KCTD10: variants seen among roughly 807,000 people sequenced by gnomAD.
The protein encoded by KCTD10 is BTB/POZ domain-containing adapter for CUL3-mediated RhoA degradation protein 3.
Under a neutral mutation model 34.6 loss-of-function variants are expected in KCTD10, and 13 were observed. The ratio of observed to expected loss-of-function variants is 0.38; its 90% CI spans 0.24 to 0.60. The LOEUF is 0.60. KCTD10 is among the 20% of genes least tolerant of loss of function. The pLI is 0.66. For missense variants in KCTD10, 256 were observed against 420.3 expected, an observed-to-expected ratio of 0.61 and a Z score of 3.42; for synonymous variants, 156 against 168.8, an observed-to-expected ratio of 0.92 and a Z score of 0.59.
intron 2 of KCTD10, among the ~76,000 whole-genome samples, chr12:109,467,285 A>G (rs1037750048): frequency 6.6e-6 from 1 of 152,248 alleles, no homozygotes; most frequent in Non-Finnish European, 1.5e-5. Flanking sequence ...TGGCAACAAC[A>G]GTATCCACCC....
intron 2 of KCTD10, chr12:109,464,850 T>C (rs755004297): frequency 1.3e-5 from 6 of 455,808 alleles, no homozygotes; most frequent in Non-Finnish European, 2.2e-5. Flanking sequence ...CTGCAGGGAG[T>C]AGAAGTTGCC....
At position 109,469,562 on chromosome 12, in the gene KCTD10, A is replaced by G. The variant is rs775619535; in HGVS notation, c.170T>C (p.Leu57Pro). Reference protein sequence around the residue: ...MQTLTKQDTMLKAMFSGRMEV... With the variant: ...MQTLTKQDTMPKAMFSGRMEV... ...CATGCGCCCGCTGAACATGGCCTTC[A>G]GCATGGTGTCCTGCTTGGTCAGCGT... Residue 57 changes from leucine (L) to proline (P), a missense_variant, in exon 2 of 7, where the codon CTG (leucine) becomes CCG (proline). Coordinates refer to ENST00000228495, the MANE Select transcript of KCTD10 (RefSeq NM_031954.5). 1 of 1,614,206 alleles carries G rather than the reference A, an allele frequency of 6.2e-7. No homozygotes were observed. The highest frequency in any genetic ancestry group is 1.1e-5 in the South Asian group (1 of 91,088).
At position 109,451,592 on chromosome 12, in the gene KCTD10, T is replaced by TG; in HGVS notation, c.*2dup. The TG allele has an allele frequency of 6.2e-7, 1 of 1,603,480 alleles. No homozygotes were observed. Among genetic ancestry groups the TG allele is most frequent in the Non-Finnish European group, 8.5e-7 (1 of 1,175,504 alleles). On this transcript the variant is annotated 3_prime_UTR_variant, in exon 7 of 7. Coordinates refer to ENST00000228495, the MANE Select transcript of KCTD10 (RefSeq NM_031954.5). This position sits in a 1 kb window ranked among gnomAD's most constrained non-coding sequence, Gnocchi z 5.0. The stretch of plus-strand genomic sequence containing the variant: ...GAGGAGGGCGGCTCGGTCTCTTGCC[T>TG]GCTCACTGGTGGAGGTGGGCCCGGT...
chr12:109,472,681 G>C (rs1873947429), intron 1 of KCTD10, among the ~76,000 whole-genome samples: 1 of 152,162 alleles, frequency 6.6e-6, no homozygotes, highest in Non-Finnish European at 1.5e-5. Flanking sequence ...GTTTACACCA[G>C]CATCACCACG....
At chr12:109,476,694 T>G (rs887564149) in intron 1 of KCTD10, among the ~76,000 whole-genome samples, 2 of 152,024 alleles carry the variant, frequency 1.3e-5, no homozygotes, top group Non-Finnish European at 2.9e-5. Flanking sequence ...CTGGGCTCTC[T>G]CGATTTCTTT....
chr12:109,449,027 G>C lies in KCTD10; in HGVS notation c.*2568C>G, dbSNP rs1592829157. On this transcript the variant is annotated 3_prime_UTR_variant, in exon 7 of 7. Transcript: ENST00000228495. ...AAACAAACAAACAAAAAAAACCCTT[G>C]ATTACGACACACCAAAGCTGTTCCA... 1 of 152,096 alleles carries C rather than the reference G, an allele frequency of 6.6e-6. No homozygotes were observed. Among genetic ancestry groups the C allele is most frequent in the East Asian group, 1.9e-4 (1 of 5,192 alleles). 9.4% of individuals were successfully genotyped at this position (152,096 alleles called of 1,614,324 possible). A position where few individuals can be genotyped will look rare whatever the true frequency, so the allele number is the denominator to read the frequency against.
At chr12:109,469,885 G>C in intron 1 of KCTD10, 157 bp from the exon 2 acceptor site, 4 of 1,398,442 alleles carry the variant, frequency 2.9e-6, no homozygotes, top group Non-Finnish European at 3.8e-6. Context: ...AGAGCTCACA[G>C]AAAAATCTGG....
intron 1 of KCTD10, among the ~76,000 whole-genome samples, chr12:109,476,457 T>C (rs1874277388): frequency 6.6e-6 from 1 of 152,130 alleles, no homozygotes; most frequent in Admixed American, 6.5e-5. Flanking sequence ...AATGAGCTAC[T>C]CAGGGAACAG....
intron 1 of KCTD10, among the ~76,000 whole-genome samples, chr12:109,476,376 G>C (rs1214615367): frequency 6.6e-6 from 1 of 152,170 alleles, no homozygotes; most frequent in African/African-American, 2.4e-5. Flanking sequence ...GCACTTTCCA[G>C]GGACGTGACA....
chr12:109,475,623 AG>A (rs1050616959), intron 1 of KCTD10, among the ~76,000 whole-genome samples: 9 of 152,330 alleles, frequency 5.9e-5, no homozygotes, highest in Admixed American at 2.0e-4. Flanking sequence ...ATGTGGGACC[AG>A]GGCTTACTGC....
intron 1 of KCTD10, chr12:109,471,429 A>C (rs1399201237): frequency 1.0e-6 from 1 of 984,714 alleles, no homozygotes; most frequent in African/African-American, 1.7e-5. Flanking sequence ...ATGTTTTCTC[A>C]AGAAACAGTT....
At position 109,460,854 on chromosome 12, in the gene KCTD10, G is replaced by C. The variant is rs1873284954; in HGVS notation, c.218-49C>G. 6.3e-7 allele frequency: 1 copy of C among 1,588,000 alleles called. No homozygotes were observed. The highest frequency in any genetic ancestry group is 8.6e-7 in the Non-Finnish European group (1 of 1,160,434). ...TGGTTACATGGGCCCTCCTCTTGTG[G>C]GAGGCCCTGAGCAGAGCTGGGGTGT... On this transcript the variant is annotated intron_variant, in intron 2 of 6. Coordinates refer to ENST00000228495, the MANE Select transcript of KCTD10 (RefSeq NM_031954.5). The surrounding 1 kb of genome is among the most constrained non-coding windows in gnomAD (Gnocchi z 4.5).
chr12:109,461,835 C>T (rs1292057607), intron 2 of KCTD10, among the ~76,000 whole-genome samples: 1 of 152,352 alleles, frequency 6.6e-6, no homozygotes, highest in African/African-American at 2.4e-5. Context: ...GGCGTCCCCA[C>T]GGCTCCTGCC....
At chr12:109,474,827 G>T (rs998807850) in intron 1 of KCTD10, among the ~76,000 whole-genome samples, 13 of 152,124 alleles carry the variant, frequency 8.5e-5, no homozygotes, top group Non-Finnish European at 1.9e-4. Flanking sequence ...GGAGGCTCAG[G>T]CAAGTACAGT....
At chr12:109,456,673 T>A in intron 5 of KCTD10, 1 of 350,802 alleles carries the variant, frequency 2.9e-6, no homozygotes, top group South Asian at 2.5e-5. Context: ...AGAATGGCAC[T>A]GCCCAAGGGA....
Position 109,448,901 on chromosome 12 carries a change from T to C in KCTD10, c.*2694A>G, listed in dbSNP as rs1033603231. ...ACAGAGACACACTTTAACTGGGGAA[T>C]GGGGTCCCCACACAGTGATCGCCCC... On this transcript the variant is annotated 3_prime_UTR_variant, in exon 7 of 7. Transcript: ENST00000228495. 1 of 152,166 alleles carries C rather than the reference T, an allele frequency of 6.6e-6. No homozygotes were observed. The highest frequency in any genetic ancestry group is 1.5e-5 in the Non-Finnish European group (1 of 68,042). The allele number at this position is 152,166 out of a possible 1,614,324, so 9.4% of individuals were successfully genotyped here. A position where few individuals can be genotyped will look rare whatever the true frequency, so the allele number is the denominator to read the frequency against.
intron 2 of KCTD10, among the ~76,000 whole-genome samples, chr12:109,465,086 C>G (rs1873526787): frequency 6.6e-6 from 1 of 152,140 alleles, no homozygotes; most frequent in Admixed American, 6.5e-5. Flanking sequence ...AAAGGCTGGG[C>G]AGCATCGCAC....
At chr12:109,458,347 AAAAATAAACCCTTG>A in intron 3 of KCTD10, 1 of 376,272 alleles carries the variant, frequency 2.7e-6, no homozygotes, top group South Asian at 5.3e-5. Context: ...GAAGCCACTC[AAAAATAAACCCTTG>A]ACGTGGCAGC....
rs557527430 is a variant in KCTD10 at position 109,450,322 on chromosome 12, T to C, written c.*1273A>G. ...GGTCACTGAGAACACCCGTCCTACATAGGCGCTGCGCCCAGCCGGGCTCCA... is the reference window on the plus strand; with the variant it reads ...GGTCACTGAGAACACCCGTCCTACACAGGCGCTGCGCCCAGCCGGGCTCCA... On this transcript the variant is annotated 3_prime_UTR_variant, in exon 7 of 7. Coordinates refer to ENST00000228495, the MANE Select transcript of KCTD10 (RefSeq NM_031954.5). The C allele has an allele frequency of 2.0e-5, 8 of 394,790 alleles. No homozygotes were observed. Among genetic ancestry groups the C allele is most frequent in the Non-Finnish European group, 3.1e-5 (7 of 225,340 alleles). The allele number at this position is 394,790 out of a possible 1,614,324, so 24.5% of individuals were successfully genotyped here.
Sources: gnomAD v4.1 joint callset for allele counts (sites outside exome capture counted in the v4.1 genomes callset) on GRCh38, gnomAD v4.1.1 for gene constraint, Gnocchi (gnomAD v3.1) non-coding constraint, MANE v1.5 for transcripts, NCBI Gene and HGNC (gene_info 2026-07-23, HGNC 2026-07-21) for gene names.